The following AACS variants were observed in gnomAD, a reference collection of about 807,000 sequenced individuals.
The protein encoded by AACS is acetoacetyl-CoA synthetase.
AACS carries 69 observed loss-of-function variants against 83.1 expected under a neutral mutation model. The observed-to-expected ratio is 0.83, with a 90% CI of 0.68 to 1.01. AACS has a LOEUF of 1.01. Ranked by LOEUF, AACS falls within the 50% of genes least tolerant of loss-of-function variation. AACS has a pLI of 0.00. For synonymous variants in AACS, 333 were observed against 343.4 expected, an observed-to-expected ratio of 0.97 and a Z score of 0.33; for missense variants, 866 against 882.2, an observed-to-expected ratio of 0.98 and a Z score of 0.23.
chr12:125,119,713 G>C (rs1957121533), intron 10 of AACS: 2 of 152,182 alleles, frequency 1.3e-5, no homozygotes, highest in African/African-American at 4.8e-5. Flanking sequence ...GGGGATTATA[G>C]GAGCTACAGT....
chr12:125,104,368 G>A (rs1956788854), intron 7 of AACS, among the ~76,000 whole-genome samples: 1 of 152,240 alleles, frequency 6.6e-6, no homozygotes, highest in Non-Finnish European at 1.5e-5. Flanking sequence ...TCGGTGCATG[G>A]CTTGTTACCG....
In AACS at chr12:125,086,661, C is replaced by T. The variant is rs144580041; in HGVS notation, c.472+218C>T. ...AGGCAGGAATTTGCTTTGCTTTGTT[C>T]CCTGCTTTGTCCCAGAGCCTAAAAC... is the stretch of plus-strand genomic sequence containing the variant. On this transcript the variant is annotated intron_variant, in intron 4 of 17. Coordinates refer to ENST00000316519, the MANE Select transcript of AACS (RefSeq NM_023928.5). Among the ~76,000 whole-genome samples the T allele has an allele frequency of 2.3e-4, 35 of 152,292 alleles. No individual in the cohort carries two copies. In the East Asian group the frequency reaches 6.4e-3, roughly 28 times the overall value.
At chr12:125,096,407 C>T (rs1305003286) in intron 5 of AACS, among the ~76,000 whole-genome samples, 2 of 152,202 alleles carry the variant, frequency 1.3e-5, no homozygotes, top group African/African-American at 4.8e-5. Context: ...TCTTAGAATC[C>T]CGGGCACAGA....
At chr12:125,080,908 G>A (rs2136053260) in intron 3 of AACS, among the ~76,000 whole-genome samples, 1 of 152,114 alleles carries the variant, frequency 6.6e-6, no homozygotes. Context: ...AGCCAGGATG[G>A]TCTCCATCTC....
At position 125,065,724 on chromosome 12, in the gene AACS, G is replaced by C; in HGVS notation, c.133+7G>C. On this transcript the variant is annotated splice_region_variant and intron_variant, in intron 1 of 17. Transcript: ENST00000316519. ...GCCTGCGGCCTGGCGCTGGGTGAGAGTCGGGCGCGCGGCCGGGCCTGCGGG... is the reference window on the plus strand; with the variant it reads ...GCCTGCGGCCTGGCGCTGGGTGAGACTCGGGCGCGCGGCCGGGCCTGCGGG... 1 of 1,528,268 alleles carries C rather than the reference G, an allele frequency of 6.5e-7. No homozygotes were observed. Among genetic ancestry groups the C allele is most frequent in the Non-Finnish European group, 8.8e-7 (1 of 1,138,118 alleles). 94.7% of individuals were successfully genotyped at this position (1,528,268 alleles called of 1,614,324 possible). A position where few individuals can be genotyped will look rare whatever the true frequency, so the allele number is the denominator to read the frequency against.
intron 10 of AACS, chr12:125,120,814 G>A (rs1232234511): frequency 1.3e-5 from 2 of 152,288 alleles, no homozygotes; most frequent in Non-Finnish European, 2.9e-5. Context: ...CGTGCATGGA[G>A]CGTGATCTTG....
At chr12:125,108,851 G>T (rs1592981806) in intron 8 of AACS, among the ~76,000 whole-genome samples, 2 of 130,102 alleles carry the variant, frequency 1.5e-5, no homozygotes, top group Admixed American at 7.9e-5. Context: ...TGTTTGTTTT[G>T]TATTTTTGTG....
intron 7 of AACS, among the ~76,000 whole-genome samples, chr12:125,103,508 C>T (rs1045023369): frequency 1.4e-4 from 21 of 152,122 alleles, no homozygotes; most frequent in Non-Finnish European, 2.6e-4. Flanking sequence ...CACGTGCATA[C>T]GTGCACAGGT....
At chr12:125,085,848 C>T (rs1338381432) in intron 3 of AACS, among the ~76,000 whole-genome samples, 1 of 152,146 alleles carries the variant, frequency 6.6e-6, no homozygotes, top group Non-Finnish European at 1.5e-5. Context: ...CAGGTTCTTG[C>T]ACTGTTGCTC....
intron 7 of AACS, among the ~76,000 whole-genome samples, chr12:125,106,339 CG>C (rs2136099427): frequency 1.3e-5 from 2 of 152,316 alleles, no homozygotes; most frequent in South Asian, 4.1e-4. Flanking sequence ...CTGTTTGTGT[CG>C]CCCCTTTGGT....
At chr12:125,088,003 C>G (rs964754078) in intron 4 of AACS, among the ~76,000 whole-genome samples, 1 of 152,140 alleles carries the variant, frequency 6.6e-6, no homozygotes, top group African/African-American at 2.4e-5. Flanking sequence ...AAAAATGCAT[C>G]CCACTCTTCC....
At chr12:125,067,679 G>A (rs896240317) in intron 1 of AACS, among the ~76,000 whole-genome samples, 2 of 152,068 alleles carry the variant, frequency 1.3e-5, no homozygotes, top group East Asian at 3.9e-4. Context: ...GATTACAGGT[G>A]CCTGCCACTA....
chr12:125,093,477 C>G (rs1361263826), intron 5 of AACS, among the ~76,000 whole-genome samples: 1 of 152,246 alleles, frequency 6.6e-6, no homozygotes, highest in Non-Finnish European at 1.5e-5. Flanking sequence ...TCTGCCCATC[C>G]TGGAAGGACT....
At chr12:125,135,368 T>C (rs1957387270) in intron 16 of AACS, among the ~76,000 whole-genome samples, 1 of 152,162 alleles carries the variant, frequency 6.6e-6, no homozygotes, top group Admixed American at 6.5e-5. Context: ...GTGCTGGGAT[T>C]ACAGGCATGA....
At chr12:125,066,631 T>C (rs989281055) in intron 1 of AACS, among the ~76,000 whole-genome samples, 2 of 151,996 alleles carry the variant, frequency 1.3e-5, no homozygotes, top group Admixed American at 6.6e-5. Flanking sequence ...GTATTTTTAG[T>C]AGAGACGGAG....
Position 125,124,996 on chromosome 12 carries a change from G to C in AACS, c.1281G>C (p.Lys427Asn). 1 of 1,614,174 alleles carries C rather than the reference G, an allele frequency of 6.2e-7. No individual in the cohort carries two copies. Among genetic ancestry groups the C allele is most frequent in the Non-Finnish European group, 8.5e-7 (1 of 1,180,042 alleles). The change falls in exon 12 of 18, where the codon AAG becomes AAC. Residue 427 changes from lysine (K) to asparagine (N), a missense_variant. Physicochemically the swap from Lys to Asn is moderately conservative, Grantham distance 94. Coordinates refer to ENST00000316519, the MANE Select transcript of AACS (RefSeq NM_023928.5). The part of the protein sequence containing the change: ...QSYEYVYRCI[K>N]SSILLGSISG... Reference sequence around the variant, plus strand: ...ACGAGTATGTCTACAGGTGCATCAAGAGCAGCATCCTCCTGGGCTCCATCT... The same window carrying C: ...ACGAGTATGTCTACAGGTGCATCAACAGCAGCATCCTCCTGGGCTCCATCT...
chr12:125,134,256 C>T (rs774591033), intron 15 of AACS, among the ~76,000 whole-genome samples, 184 bp downstream of exon 15: 5 of 152,218 alleles, frequency 3.3e-5, no homozygotes, highest in Admixed American at 6.5e-5. Context: ...CAGCCCCCAC[C>T]GGCTGGTGCG....
At chr12:125,121,483 T>A (rs1401555916) in intron 10 of AACS, 1 of 152,242 alleles carries the variant, frequency 6.6e-6, no homozygotes, top group Non-Finnish European at 1.5e-5. Context: ...GTGAGATCTC[T>A]GTTGATTACC....
intron 3 of AACS, among the ~76,000 whole-genome samples, chr12:125,085,183 C>T (rs533233536): frequency 6.6e-5 from 10 of 152,306 alleles, no homozygotes; most frequent in Non-Finnish European, 1.0e-4. Context: ...CAGGAAATTC[C>T]GTAAGGTGGC....
Sources: gnomAD v4.1 joint callset for allele counts (sites outside exome capture counted in the v4.1 genomes callset) on GRCh38, gnomAD v4.1.1 for gene constraint, MANE v1.5 for transcripts, NCBI Gene and HGNC (gene_info 2026-07-23, HGNC 2026-07-21) for gene names.